Variants in ASIC2 observed in about 807,000 individuals in gnomAD.
The protein encoded by ASIC2 is acid-sensing ion channel 2.
In ASIC2, 25 loss-of-function variants were observed where a neutral mutation model predicts 57.3. The ratio of observed to expected loss-of-function variants is 0.44; its 90% CI spans 0.32 to 0.61. ASIC2 has a LOEUF of 0.61. Among genes scored for constraint, ASIC2 ranks in the 20% least tolerant of loss-of-function variants. ASIC2 has a pLI of 0.06. For synonymous variants in ASIC2, 319 were observed against 307.5 expected (o/e 1.04, Z -0.39); for missense variants, 641 against 738.1 (o/e 0.87, Z 1.52).
intron 1 of ASIC2, among the ~76,000 whole-genome samples, chr17:33,938,663 G>T (rs1465988044): frequency 6.6e-6 from 1 of 150,988 alleles, no homozygotes; most frequent in East Asian, 1.9e-4. Flanking sequence ...GGTGGAAGTG[G>T]GATTTGATCC....
chr17:33,759,048 G>A (rs1041146286), intron 1 of ASIC2, among the ~76,000 whole-genome samples: 6 of 152,124 alleles, frequency 3.9e-5, no homozygotes, highest in Admixed American at 6.5e-5. Context: ...TCCTAGTGAG[G>A]GCTTAAAAGA....
intron 1 of ASIC2, among the ~76,000 whole-genome samples, chr17:33,425,336 C>T (rs748446575): frequency 6.6e-6 from 1 of 152,234 alleles, no homozygotes; most frequent in African/African-American, 2.4e-5. Flanking sequence ...CAACTCAGCT[C>T]TGTCAGATGC....
In ASIC2 at chr17:33,647,074, C is replaced by A. The variant is rs555401133; in HGVS notation, c.555+508904G>T. On this transcript the variant is annotated intron_variant, in intron 1 of 9. Coordinates refer to the ASIC2 transcript ENST00000359872. ...AAGTTACTGAAGTTGATGCCCACAG[C>A]CCTGTACTGTTGTTTGGCCAGAGTG... Among the ~76,000 whole-genome samples the A allele has an allele frequency of 9.9e-4, 150 of 152,158 alleles. 1 individual carries two copies. Among genetic ancestry groups the A allele is most frequent in the African/African-American group, 3.6e-3 (148 of 41,520 alleles).
At chr17:33,512,302 C>A (rs1350658451) in intron 1 of ASIC2, among the ~76,000 whole-genome samples, 1 of 152,134 alleles carries the variant, frequency 6.6e-6, no homozygotes, top group Non-Finnish European at 1.5e-5. Flanking sequence ...GAAGAATTGG[C>A]AAAACATGAG....
At chr17:33,875,858 C>A (rs1914532125) in intron 1 of ASIC2, among the ~76,000 whole-genome samples, 2 of 151,902 alleles carry the variant, frequency 1.3e-5, no homozygotes, top group Admixed American at 6.6e-5. Flanking sequence ...GCTATAATCC[C>A]AGCTTTTGTA....
At chr17:33,859,172 G>C (rs1423306458) in intron 1 of ASIC2, among the ~76,000 whole-genome samples, 3 of 152,142 alleles carry the variant, frequency 2.0e-5, no homozygotes, top group Non-Finnish European at 4.4e-5. Flanking sequence ...AAAAATAATA[G>C]TGTTGGGTTA....
intron 1 of ASIC2, among the ~76,000 whole-genome samples, chr17:33,174,412 C>T (rs1309917843): frequency 7.4e-6 from 1 of 135,500 alleles, no homozygotes; most frequent in Non-Finnish European, 1.6e-5. Context: ...TGCAGCAAGA[C>T]TCCATCAAAA....
At position 33,023,383 on chromosome 17, in the gene ASIC2, G is replaced by A. The variant is rs184679854; in HGVS notation, c.1349+478C>T. Among the ~76,000 whole-genome samples the A allele has an allele frequency of 1.9e-4, 29 of 151,810 alleles. No homozygotes were observed. In the East Asian group the frequency reaches 3.9e-3, roughly 20 times the overall value. The stretch of plus-strand genomic sequence containing the variant: ...CGGGCGCCTGTAGTTCCAGCTGCTC[G>A]TGAAGCTGAGGCAGGAGAATGGTTT... On this transcript the variant is annotated intron_variant, in intron 6 of 9. Coordinates refer to ENST00000225823, the MANE Select transcript of ASIC2 (RefSeq NM_183377.2).
intron 1 of ASIC2, chr17:33,627,356 T>C (rs1906020101): frequency 1.3e-5 from 2 of 152,292 alleles, no homozygotes; most frequent in Non-Finnish European, 2.9e-5. Flanking sequence ...GTTTGGGTGC[T>C]TTATTTATTC....
Position 33,292,047 on chromosome 17 carries a change from G to T in ASIC2, c.69C>A (p.Ala23=). ...ALTGPGRFRM[A]REEPAPAALA... ...ACGCCGCGGGCGCCGGCTCCTCGCG[G>T]GCCATGCGGAAGCGTCCCGGGCCGG... is the stretch of plus-strand genomic sequence containing the variant. Residue 23 remains alanine (A), a synonymous_variant, in exon 1 of 10, where the codon GCC becomes GCA. Transcript: ENST00000225823. The T allele has an allele frequency of 8.8e-7, 1 of 1,141,918 alleles. No individual in the cohort carries two copies. The highest frequency in any genetic ancestry group is 1.1e-6 in the Non-Finnish European group (1 of 936,234). The allele number at this position is 1,141,918 out of a possible 1,614,324, so 70.7% of individuals were successfully genotyped here. A position where few individuals can be genotyped will look rare whatever the true frequency, so the allele number is the denominator to read the frequency against.
intron 1 of ASIC2, among the ~76,000 whole-genome samples, chr17:33,983,851 C>A (rs1330998343): frequency 6.6e-6 from 1 of 152,144 alleles, no homozygotes; most frequent in East Asian, 1.9e-4. Context: ...GCCAGGGGTG[C>A]TGCTGAACAT....
intron 3 of ASIC2, among the ~76,000 whole-genome samples, chr17:33,054,182 G>A (rs2091988734): frequency 6.6e-6 from 1 of 152,144 alleles, no homozygotes; most frequent in African/African-American, 2.4e-5. Flanking sequence ...TTTTATCCCA[G>A]CACCTGCAAC....
chr17:33,042,334 A>G (rs1598249206), intron 3 of ASIC2, among the ~76,000 whole-genome samples: 1 of 152,332 alleles, frequency 6.6e-6, no homozygotes, highest in Middle Eastern at 3.4e-3. Flanking sequence ...AGCAAAAGTC[A>G]CTGTTAAGAG....
intron 1 of ASIC2, among the ~76,000 whole-genome samples, chr17:34,122,689 G>A (rs1007299336): frequency 1.3e-5 from 2 of 152,234 alleles, no homozygotes; most frequent in African/African-American, 4.8e-5. Flanking sequence ...TTTACAGTGT[G>A]TAGTGGTGAA....
At chr17:34,034,395 A>C (rs960601567) in intron 1 of ASIC2, among the ~76,000 whole-genome samples, 7 of 152,224 alleles carry the variant, frequency 4.6e-5, no homozygotes, top group Admixed American at 2.0e-4. Flanking sequence ...ACAAACCCAC[A>C]ACCAATATCA....
At chr17:33,235,372 G>T (rs1317874095) in intron 1 of ASIC2, among the ~76,000 whole-genome samples, 2 of 152,212 alleles carry the variant, frequency 1.3e-5, no homozygotes, top group Non-Finnish European at 2.9e-5. Flanking sequence ...CAGTGTTCTA[G>T]ACCAGGCCAG....
At chr17:33,143,316 A>T (rs1224346110) in intron 1 of ASIC2, among the ~76,000 whole-genome samples, 1 of 152,132 alleles carries the variant, frequency 6.6e-6, no homozygotes, top group African/African-American at 2.4e-5. Flanking sequence ...GGAGCTAGGA[A>T]TTGCTCATTT....
chr17:33,920,248 C>T (rs1203846455), intron 1 of ASIC2, among the ~76,000 whole-genome samples: 1 of 152,150 alleles, frequency 6.6e-6, no homozygotes, highest in Admixed American at 6.5e-5. Context: ...CAAAAAGACA[C>T]ATGCACTTGT....
At chr17:33,169,933 G>A (rs1905447476) in intron 1 of ASIC2, among the ~76,000 whole-genome samples, 1 of 152,142 alleles carries the variant, frequency 6.6e-6, no homozygotes, top group Non-Finnish European at 1.5e-5. Flanking sequence ...GGCCTCTCGG[G>A]TGATGCCCTT....
Sources: allele counts gnomAD v4.1 joint callset (sites outside exome capture counted in the v4.1 genomes callset), GRCh38; gene constraint gnomAD v4.1.1; transcripts MANE v1.5; gene names NCBI Gene and HGNC (gene_info 2026-07-23, HGNC 2026-07-21).